RIN3: variants seen among roughly 807,000 people sequenced by gnomAD.
RIN3 encodes RAB5 interacting protein 3.
In RIN3, 54 loss-of-function variants were observed where a neutral mutation model predicts 76.3. The observed-to-expected ratio is 0.71, with a 90% confidence interval of 0.57 to 0.89. The LOEUF (loss-of-function observed/expected upper bound fraction) is 0.89. Among genes scored for constraint, RIN3 ranks in the 40% least tolerant of loss-of-function variants. The probability of loss-of-function intolerance (pLI) is 0.00; values close to 1 mark genes in which losing one functional copy is unlikely to be tolerated. For missense variants in RIN3, 1,256 were observed against 1,322.1 expected (o/e 0.95, Z 0.78); for synonymous variants, 576 against 564.0 (o/e 1.02, Z -0.30).
At chr14:92,518,138 C>A (rs1896494846) in intron 1 of RIN3, among the ~76,000 whole-genome samples, 1 of 152,224 alleles carries the variant, frequency 6.6e-6, no homozygotes, top group Non-Finnish European at 1.5e-5. Context: ...AGAGATTCCT[C>A]CTTTTTGAAT....
chr14:92,534,523 T>G (rs1188221714), intron 1 of RIN3, among the ~76,000 whole-genome samples: 1 of 150,652 alleles, frequency 6.6e-6, no homozygotes, highest in East Asian at 2.0e-4. Context: ...GAGGTTGCAG[T>G]GTTGCAGTGA....
At position 92,651,581 on chromosome 14, in the gene RIN3, G is replaced by A. The variant is rs760497496; in HGVS notation, c.533-1G>A. On this transcript the variant is annotated splice_acceptor_variant, in intron 5 of 9. Transcript: ENST00000216487. LOFTEE classifies it high-confidence loss of function. ...CCCCTGCCCCTCTCTTGCTTCCACAGGTTTCTGGGACTCCTCGCTGAATCC... is the reference window on the plus strand; with the variant it reads ...CCCCTGCCCCTCTCTTGCTTCCACAAGTTTCTGGGACTCCTCGCTGAATCC... The A allele has an allele frequency of 1.4e-6, 2 of 1,408,236 alleles. No individual in the cohort carries two copies. Among genetic ancestry groups the A allele is most frequent in the Non-Finnish European group, 1.9e-6 (2 of 1,050,244 alleles). The allele number at this position is 1,408,236 out of a possible 1,614,324, so 87.2% of individuals were successfully genotyped here.
intron 1 of RIN3, chr14:92,515,509 T>G (rs1265971636): frequency 2.1e-6 from 1 of 481,158 alleles, no homozygotes; most frequent in Non-Finnish European, 3.7e-6. Flanking sequence ...TAAATAATAG[T>G]AACTACCCCT....
intron 6 of RIN3, among the ~76,000 whole-genome samples, chr14:92,654,066 C>A (rs1887571925): frequency 6.6e-6 from 1 of 152,038 alleles, no homozygotes; most frequent in Non-Finnish European, 1.5e-5. Context: ...GTAATCTCAG[C>A]ACTTTGGGAG....
At position 92,643,591 on chromosome 14, in the gene RIN3, C is replaced by T. The variant is rs754549731; in HGVS notation, c.532+2262C>T. Among the ~76,000 whole-genome samples, 11 of 152,268 alleles carry T rather than the reference C, an allele frequency of 7.2e-5. No homozygotes were observed. Among genetic ancestry groups the T allele is most frequent in the Non-Finnish European group, 1.5e-4 (10 of 68,024 alleles). On this transcript the variant is annotated intron_variant, in intron 5 of 9. Coordinates refer to ENST00000216487, the MANE Select transcript of RIN3 (RefSeq NM_024832.5). This position sits in a 1 kb window ranked among gnomAD's most constrained non-coding sequence, Gnocchi z 4.8. ...AGGGGTTCGATGACACCGACCATTG[C>T]AGAGCACTTGGCATTGTCTTATGTC...
At chr14:92,570,338 A>T (rs1018067206) in intron 2 of RIN3, among the ~76,000 whole-genome samples, 1 of 152,018 alleles carries the variant, frequency 6.6e-6, no homozygotes, top group Admixed American at 6.6e-5. Context: ...ACACACACAC[A>T]CACACACTCA....
chr14:92,515,955 C>A (rs1293060266), intron 1 of RIN3, among the ~76,000 whole-genome samples: 1 of 152,140 alleles, frequency 6.6e-6, no homozygotes, highest in Non-Finnish European at 1.5e-5. Flanking sequence ...TCTGGTTGGG[C>A]TCTGTCTGCC....
chr14:92,585,042 T>C (rs1363871594), intron 3 of RIN3, among the ~76,000 whole-genome samples: 4 of 152,218 alleles, frequency 2.6e-5, no homozygotes, highest in African/African-American at 9.6e-5. Flanking sequence ...AGTCTTGTTC[T>C]GTTGCCCAGG....
In RIN3 at chr14:92,643,889, C is replaced by A. The variant is rs766692798; in HGVS notation, c.532+2560C>A. Among the ~76,000 whole-genome samples, 5 of 152,026 alleles carry A rather than the reference C, an allele frequency of 3.3e-5. No homozygotes were observed. Among genetic ancestry groups the A allele is most frequent in the African/African-American group, 1.2e-4 (5 of 41,370 alleles). On this transcript the variant is annotated intron_variant, in intron 5 of 9. Coordinates refer to ENST00000216487, the MANE Select transcript of RIN3 (RefSeq NM_024832.5). This position sits in a 1 kb window ranked among gnomAD's most constrained non-coding sequence, Gnocchi z 4.8. The stretch of plus-strand genomic sequence containing the variant: ...ATTGCAGTGAGCTGAGATTGCCCCA[C>A]TGCACTCCAGCGTGGGCAACAGACT...
At chr14:92,517,845 G>A (rs564684995) in intron 1 of RIN3, among the ~76,000 whole-genome samples, 86 of 152,314 alleles carry the variant, frequency 5.6e-4, no homozygotes, top group African/African-American at 1.9e-3. Context: ...TGCCAATCAA[G>A]CTAGAGGGAC....
intron 7 of RIN3, among the ~76,000 whole-genome samples, chr14:92,667,902 GC>G (rs1888165566): frequency 6.7e-6 from 1 of 148,972 alleles, no homozygotes; most frequent in African/African-American, 2.5e-5. Context: ...GCTAAAGAGA[GC>G]TTTCCTTCTC....
At chr14:92,597,025 C>G (rs1454138851) in intron 3 of RIN3, among the ~76,000 whole-genome samples, 1 of 152,128 alleles carries the variant, frequency 6.6e-6, no homozygotes, top group Non-Finnish European at 1.5e-5. Flanking sequence ...AAGCAATTAC[C>G]AGCACACTAC....
chr14:92,651,515 C>A, intron 5 of RIN3, 67 bp from the exon 6 acceptor site: 1 of 1,178,702 alleles, frequency 8.5e-7, no homozygotes, highest in Non-Finnish European at 1.2e-6. Context: ...CCCACAGACC[C>A]CGCCCAGCAC....
Position 92,688,543 on chromosome 14 carries a change from GGC to G in RIN3, c.*294_*295del. 1 of 474,056 alleles carries G rather than the reference GGC, an allele frequency of 2.1e-6. No homozygotes were observed. The highest frequency in any genetic ancestry group is 3.8e-6 in the Non-Finnish European group (1 of 265,480). The allele number at this position is 474,056 out of a possible 1,614,324, so 29.4% of individuals were successfully genotyped here. On this transcript the variant is annotated 3_prime_UTR_variant, in exon 10 of 10. Coordinates refer to ENST00000216487, the MANE Select transcript of RIN3 (RefSeq NM_024832.5). ...TCCAGGCCGCTGCAGCCAACAAACC[GGC>G]GCCCTCTTCACACGTAGCTCCTCAG...
rs560743935 is a variant in RIN3 at position 92,626,360 on chromosome 14, A to G, written c.440+10881A>G. Among the ~76,000 whole-genome samples, 36 of 152,262 alleles carry G rather than the reference A, an allele frequency of 2.4e-4. 1 individual carries two copies. The South Asian group carries it at 7.2e-3, about 31-fold the overall frequency. ...GGATGGACATTAATTCGACCCAGGT[A>G]TATAACTGGGGGCCTAGGAATTGAT... On this transcript the variant is annotated intron_variant, in intron 4 of 9. Coordinates refer to ENST00000216487, the MANE Select transcript of RIN3 (RefSeq NM_024832.5).
chr14:92,677,963 G>A (rs115295758), intron 8 of RIN3, among the ~76,000 whole-genome samples: 13 of 118,798 alleles, frequency 1.1e-4, no homozygotes, highest in African/African-American at 2.9e-4. Context: ...ACCCACCCAC[G>A]TATTCACCCA....
intron 3 of RIN3, among the ~76,000 whole-genome samples, chr14:92,584,914 G>A (rs1341787124): frequency 6.6e-6 from 1 of 152,234 alleles, no homozygotes; most frequent in Non-Finnish European, 1.5e-5. Flanking sequence ...CATACAGGAA[G>A]TGAGCTGCCC....
Position 92,651,769 on chromosome 14 carries a change from C to A in RIN3, c.720C>A (p.Ile240=). 2.5e-6 allele frequency: 4 copies of A among 1,614,084 alleles called. No homozygotes were observed. The East Asian group carries it at 8.9e-5, about 36-fold the overall frequency. Residue 240 remains isoleucine, a synonymous_variant, in exon 6 of 10, where the codon ATC becomes ATA. Coordinates refer to ENST00000216487, the MANE Select transcript of RIN3 (RefSeq NM_024832.5). ...DRLWFVNPIF[I]EDCSSALPTD... The stretch of plus-strand genomic sequence containing the variant: ...TGTGGTTTGTGAATCCTATTTTCAT[C>A]GAGGACTGCAGCAGCGCCCTGCCCA...
At chr14:92,654,278 C>T (rs548574404) in intron 6 of RIN3, among the ~76,000 whole-genome samples, 1 of 151,110 alleles carries the variant, frequency 6.6e-6, no homozygotes, top group East Asian at 1.9e-4. Context: ...TGTGCCACTG[C>T]ACTCCAGCCT....
Sources: gnomAD v4.1 joint callset for allele counts (sites outside exome capture counted in the v4.1 genomes callset) on GRCh38, gnomAD v4.1.1 for gene constraint, Gnocchi (gnomAD v3.1) non-coding constraint, MANE v1.5 for transcripts, NCBI Gene and HGNC (gene_info 2026-07-23, HGNC 2026-07-21) for gene names.